SPSB1: variants seen among roughly 807,000 people sequenced by gnomAD.
The protein encoded by SPSB1 is SPRY domain-containing SOCS box protein 1.
SPSB1 carries 8 observed loss-of-function variants against 21.2 expected under a neutral mutation model. The observed-to-expected ratio is 0.38, with a 90% CI of 0.22 to 0.68. SPSB1 has a LOEUF of 0.68. SPSB1 is among the 30% of genes least tolerant of loss of function. The pLI, the probability that SPSB1 is intolerant of heterozygous loss-of-function variation, is 0.53. For missense variants in SPSB1, 242 were observed against 377.8 expected (o/e 0.64, Z 2.98); for synonymous variants, 169 against 161.7 (o/e 1.05, Z -0.34).
Position 9,313,542 on chromosome 1 carries a change from G to A in SPSB1, c.-150+20471G>A, listed in dbSNP as rs149887207. On this transcript the variant is annotated intron_variant, in intron 1 of 2. Coordinates refer to ENST00000328089, the MANE Select transcript of SPSB1 (RefSeq NM_025106.4). The stretch of plus-strand genomic sequence containing the variant: ...GACCTCTGAGTGGGAACAGGCACCT[G>A]ATCTGGGGTGGGAGGATTCTGGGAT... Among the ~76,000 whole-genome samples the A allele has an allele frequency of 2.0e-3, 307 of 152,304 alleles. 1 individual carries two copies. The East Asian group carries it at 0.043, about 21-fold the overall frequency.
At position 9,363,804 on chromosome 1, in the gene SPSB1, A is replaced by G. The variant is rs1640514911; in HGVS notation, c.695-3644A>G. 6.6e-6 allele frequency among the ~76,000 whole-genome samples: 1 copy of G among 151,940 alleles called. No individual in the cohort carries two copies. Among genetic ancestry groups the G allele is most frequent in the South Asian group, 2.1e-4 (1 of 4,820 alleles). On this transcript the variant is annotated intron_variant, in intron 2 of 2. Transcript: ENST00000328089. The surrounding 1 kb of genome is among the most constrained non-coding windows in gnomAD (Gnocchi z 4.5). ...AAACCTCTGCCTCCCAGGTTCAAGC[A>G]ATCCTCCTGCCTCAAACTCCCAAGT...
rs1018435488 is a variant in SPSB1, at chr1:9,317,900, C to T, written c.-150+24829C>T. On this transcript the variant is annotated intron_variant, in intron 1 of 2. Transcript: ENST00000328089. This position sits in a 1 kb window ranked among gnomAD's most constrained non-coding sequence, Gnocchi z 4.3. ...GGGTCGCTTTGGTGGGAGTTTCTTG[C>T]TTCCTTGGCACACCATTCGCTCCGC... Among the ~76,000 whole-genome samples the T allele has an allele frequency of 6.8e-6, 1 of 146,344 alleles. No homozygotes were observed.
At chr1:9,342,725 G>A (rs1244454263) in intron 1 of SPSB1, among the ~76,000 whole-genome samples, 2 of 152,074 alleles carry the variant, frequency 1.3e-5, no homozygotes, top group African/African-American at 2.4e-5. Flanking sequence ...CACACATCCC[G>A]GACTCCTCCG....
chr1:9,351,662 A>C (rs1041864310), intron 1 of SPSB1: 5 of 152,262 alleles, frequency 3.3e-5, no homozygotes, highest in Admixed American at 1.3e-4. Flanking sequence ...CTGTGCGGCC[A>C]CATTTTAAAA....
chr1:9,303,339 T>A (rs558745482), intron 1 of SPSB1, among the ~76,000 whole-genome samples: 1 of 152,284 alleles, frequency 6.6e-6, no homozygotes, highest in South Asian at 2.1e-4. Flanking sequence ...CCAGCTGAGG[T>A]GCTTGTTGCA....
At chr1:9,359,250 G>A (rs930101944) in intron 2 of SPSB1, among the ~76,000 whole-genome samples, 3 of 152,222 alleles carry the variant, frequency 2.0e-5, no homozygotes, top group Admixed American at 6.5e-5. Flanking sequence ...AGATGTGGTC[G>A]TTCTTGGGAC....
chr1:9,340,170 G>A (rs1640068114), intron 1 of SPSB1, among the ~76,000 whole-genome samples: 2 of 152,162 alleles, frequency 1.3e-5, no homozygotes, highest in South Asian at 2.1e-4. Flanking sequence ...GCCCCTGTAG[G>A]AACTGTTCTC....
chr1:9,332,671 A>G (rs761126888), intron 1 of SPSB1, among the ~76,000 whole-genome samples: 1 of 152,228 alleles, frequency 6.6e-6, no homozygotes, highest in Non-Finnish European at 1.5e-5. Flanking sequence ...AGGAGCTGAG[A>G]CAGAACCTTA....
At position 9,360,816 on chromosome 1, in the gene SPSB1, C is replaced by A. The variant is rs548492519; in HGVS notation, c.694+4231C>A. Among the ~76,000 whole-genome samples the A allele has an allele frequency of 1.6e-4, 24 of 152,362 alleles. 1 individual carries two copies. The South Asian group carries it at 4.6e-3, about 29-fold the overall frequency. On this transcript the variant is annotated intron_variant, in intron 2 of 2. Coordinates refer to ENST00000328089, the MANE Select transcript of SPSB1 (RefSeq NM_025106.4). Reference sequence around the variant, plus strand: ...CCAGATAAGGCTCCACTCTGAAGTTCTGGGCAAACATGAATTGGAGGACAC... The same window carrying A: ...CCAGATAAGGCTCCACTCTGAAGTTATGGGCAAACATGAATTGGAGGACAC...
intron 1 of SPSB1, among the ~76,000 whole-genome samples, chr1:9,340,257 G>C (rs1413849641): frequency 6.6e-6 from 1 of 152,156 alleles, no homozygotes; most frequent in Non-Finnish European, 1.5e-5. Context: ...GAGAAGGGGT[G>C]CTGTCAATCA....
At position 9,345,812 on chromosome 1, in the gene SPSB1, A is replaced by T. The variant is rs891099124; in HGVS notation, c.-149-9931A>T. Among the ~76,000 whole-genome samples, 2 of 152,154 alleles carry T rather than the reference A, an allele frequency of 1.3e-5. No homozygotes were observed. Among genetic ancestry groups the T allele is most frequent in the Admixed American group, 6.5e-5 (1 of 15,290 alleles). ...TCACTTGTCAGAACTTTCCAGAAGG[A>T]TCCTGTTCTTTTTTGTTGATTCTAG... On this transcript the variant is annotated intron_variant, in intron 1 of 2. Transcript: ENST00000328089. The surrounding 1 kb of genome is among the most constrained non-coding windows in gnomAD (Gnocchi z 4.8).
At chr1:9,336,659 G>A (rs11121375) in intron 1 of SPSB1, among the ~76,000 whole-genome samples, 3 of 152,052 alleles carry the variant, frequency 2.0e-5, no homozygotes, top group African/African-American at 7.2e-5. Context: ...GAGTTCACCC[G>A]TGGCGCTGGG....
rs1289158989 is a variant in SPSB1 at position 9,336,170 on chromosome 1, G to A, written c.-149-19573G>A. ...TGTTGGTTTGAAATGTTATTTCTCG[G>A]GTTGTTAACTCACTTTGAATTTTCT... On this transcript the variant is annotated intron_variant, in intron 1 of 2. Transcript: ENST00000328089. Among the ~76,000 whole-genome samples, 3 of 152,130 alleles carry A rather than the reference G, an allele frequency of 2.0e-5. No individual in the cohort carries two copies. In the East Asian group the frequency reaches 5.8e-4, roughly 29 times the overall value.
At chr1:9,295,217 AGTGTGTGTGT>A (rs5772365) in intron 1 of SPSB1, among the ~76,000 whole-genome samples, 48 of 148,558 alleles carry the variant, frequency 3.2e-4, no homozygotes, top group African/African-American at 1.1e-3. Context: ...TGAGAGTGTG[AGTGTGTGTGT>A]GTGTGTGTGT....
At position 9,356,275 on chromosome 1, in the gene SPSB1, G is replaced by A. The variant is rs1359834967; in HGVS notation, c.384G>A (p.Gly128=). The A allele has an allele frequency of 3.7e-6, 6 of 1,613,360 alleles. No individual in the cohort carries two copies. Among genetic ancestry groups the A allele is most frequent in the East Asian group, 4.5e-5 (2 of 44,892 alleles). The change falls in exon 2 of 3, where the codon GGG becomes GGA. Residue 128 remains glycine (G), a synonymous_variant. Coordinates refer to ENST00000328089, the MANE Select transcript of SPSB1 (RefSeq NM_025106.4). The surrounding 1 kb of genome is among the most constrained non-coding windows in gnomAD (Gnocchi z 7.4). ...ATADAPLHSV[G]YTTLVGNNHE... ...CAGACGCCCCCCTGCACTCTGTCGG[G>A]TACACAACCCTCGTGGGGAATAACC...
chr1:9,300,823 A>G (rs1301116028), intron 1 of SPSB1, among the ~76,000 whole-genome samples: 3 of 152,244 alleles, frequency 2.0e-5, no homozygotes, highest in Non-Finnish European at 4.4e-5. Flanking sequence ...TACTTTGCCC[A>G]CTGCCTTCTC....
Position 9,361,156 on chromosome 1 carries a change from C to CTTTTTTTTTTTTTTTTTTTTTTTT in SPSB1, c.694+4575_694+4598dup, listed in dbSNP as rs57871457. 5.0e-4 allele frequency among the ~76,000 whole-genome samples: 51 copies of CTTTTTTTTTTTTTTTTTTTTTTTT among 102,562 alleles called. 2 individuals are homozygous for CTTTTTTTTTTTTTTTTTTTTTTTT. Among genetic ancestry groups the CTTTTTTTTTTTTTTTTTTTTTTTT allele is most frequent in the African/African-American group, 1.7e-3 (40 of 24,212 alleles). 67.3% of individuals were successfully genotyped at this position (102,562 alleles called of 152,430 possible). A position where few individuals can be genotyped will look rare whatever the true frequency, so the allele number is the denominator to read the frequency against. On this transcript the variant is annotated intron_variant, in intron 2 of 2. Coordinates refer to ENST00000328089, the MANE Select transcript of SPSB1 (RefSeq NM_025106.4). ...CAGGCATGGCTGGATCTGTCATTTT[C>CTTTTTTTTTTTTTTTTTTTTTTTT]TTTTTTTTTTTTTTTTTTTTTTTTT...
At chr1:9,315,210 C>G (rs1639591299) in intron 1 of SPSB1, among the ~76,000 whole-genome samples, 1 of 152,160 alleles carries the variant, frequency 6.6e-6, no homozygotes, top group Non-Finnish European at 1.5e-5. Context: ...CTCCCCATGC[C>G]GCATCACGGA....
intron 1 of SPSB1, among the ~76,000 whole-genome samples, chr1:9,320,793 C>T (rs114725575): frequency 1.3e-3 from 195 of 152,270 alleles, no homozygotes; most frequent in African/African-American, 4.3e-3. Context: ...CTTGTTTCCT[C>T]GTGGGGGATT....
Sources: allele counts gnomAD v4.1 joint callset (sites outside exome capture counted in the v4.1 genomes callset), GRCh38; gene constraint gnomAD v4.1.1; non-coding constraint Gnocchi (gnomAD v3.1); transcripts MANE v1.5; gene names NCBI Gene and HGNC (gene_info 2026-07-23, HGNC 2026-07-21).